PCDH19: variants seen among roughly 807,000 people sequenced by gnomAD.
PCDH19 encodes the protein protocadherin-19.
Under a neutral mutation model 46.2 loss-of-function variants are expected in PCDH19, and 6 were observed. The observed-to-expected ratio is 0.13, with a 90% CI of 0.07 to 0.26. PCDH19 has a LOEUF of 0.26. Ranked by LOEUF, PCDH19 falls within the 10% of genes least tolerant of loss-of-function variation. The pLI is 1.00. For synonymous variants in PCDH19, 481 were observed against 415.7 expected (o/e 1.16, Z -1.91); for missense variants, 740 against 972.3 (o/e 0.76, Z 3.18).
chrX:100,384,193 A>AAAG (rs1276373078), intron 3 of PCDH19, among the ~76,000 whole-genome samples: 17 of 112,013 alleles, frequency 1.5e-4, no homozygotes, highest in African/African-American at 5.2e-4. Flanking sequence ...ATCGCAGATT[A>AAAG]AAGCACTGAC....
chrX:100,343,486 T>TG (rs1366731730), intron 4 of PCDH19, among the ~76,000 whole-genome samples: 1 of 112,048 alleles, frequency 8.9e-6, no homozygotes, highest in African/African-American at 3.2e-5. Context: ...AAATGATTCT[T>TG]GCATTTATTA....
chrX:100,322,585 T>C (rs1176346879), intron 5 of PCDH19, among the ~76,000 whole-genome samples: 2 of 108,768 alleles, frequency 1.8e-5, no homozygotes, highest in African/African-American at 6.7e-5. Flanking sequence ...GCAGGCTCTT[T>C]TTTGGTTTCA....
chrX:100,391,399 G>C (rs1407822414), intron 3 of PCDH19, among the ~76,000 whole-genome samples: 1 of 111,779 alleles, frequency 8.9e-6, no homozygotes, highest in Non-Finnish European at 1.9e-5. Flanking sequence ...TATTTGAACA[G>C]AGAGGCTCTG....
chrX:100,364,128 C>T (rs957758675), intron 3 of PCDH19, among the ~76,000 whole-genome samples: 43 of 110,432 alleles, frequency 3.9e-4, no homozygotes, highest in Non-Finnish European at 6.1e-4. Flanking sequence ...GGTTGAGTAA[C>T]ACACATTAGC....
rs1041537686 is a variant in PCDH19, at chrX:100,381,005, A to G, written c.2616+21519T>C. 3.6e-5 allele frequency among the ~76,000 whole-genome samples: 4 copies of G among 112,317 alleles called. No homozygotes were observed. In the East Asian group the frequency reaches 1.1e-3, roughly 31 times the overall value. On this transcript the variant is annotated intron_variant, in intron 3 of 5. Coordinates refer to ENST00000373034, the MANE Select transcript of PCDH19 (RefSeq NM_001184880.2). ...GTGATATTTACAAAGTCCATTATTCAGCAATAAAAAGTCCCAGGATTATTT... is the reference window on the plus strand; with the variant it reads ...GTGATATTTACAAAGTCCATTATTCGGCAATAAAAAGTCCCAGGATTATTT...
chrX:100,329,904 G>A (rs1209381822), intron 5 of PCDH19, among the ~76,000 whole-genome samples: 3 of 111,571 alleles, frequency 2.7e-5, no homozygotes, highest in Non-Finnish European at 5.6e-5. Flanking sequence ...ACAGGGAGAC[G>A]CTGTTTAAAA....
intron 5 of PCDH19, among the ~76,000 whole-genome samples, chrX:100,336,943 A>G (rs1394374016): frequency 9.0e-6 from 1 of 111,624 alleles, no homozygotes; most frequent in Non-Finnish European, 1.9e-5. Flanking sequence ...GAATAATGGG[A>G]TATCCACATC....
At chrX:100,401,112 G>C (rs1179629289) in intron 3 of PCDH19, among the ~76,000 whole-genome samples, 1 of 111,979 alleles carries the variant, frequency 8.9e-6, no homozygotes, top group African/African-American at 3.3e-5. Context: ...TGAAAGATGT[G>C]AAAGTGCTCT....
intron 5 of PCDH19, among the ~76,000 whole-genome samples, chrX:100,307,070 A>C (rs746529361): frequency 8.9e-6 from 1 of 111,798 alleles, no homozygotes; most frequent in East Asian, 2.8e-4. Flanking sequence ...TCATCCTAAT[A>C]CCAAAACCAG....
At chrX:100,356,804 A>C (rs12399055) in intron 3 of PCDH19, among the ~76,000 whole-genome samples, 2 of 108,069 alleles carry the variant, frequency 1.9e-5, no homozygotes, top group Non-Finnish European at 3.9e-5. Flanking sequence ...CACACACACA[A>C]ACACACACAG....
chrX:100,314,423 C>T (rs1056553959), intron 5 of PCDH19, among the ~76,000 whole-genome samples: 1 of 111,966 alleles, frequency 8.9e-6, no homozygotes, highest in African/African-American at 3.2e-5. Flanking sequence ...TAGCACAAAC[C>T]AACTTTGATT....
intron 3 of PCDH19, among the ~76,000 whole-genome samples, chrX:100,364,330 C>T (rs1209614750): frequency 1.8e-5 from 2 of 111,754 alleles, no homozygotes; most frequent in Non-Finnish European, 3.8e-5. Flanking sequence ...ATAGCATAGA[C>T]ATTAGCCACA....
intron 3 of PCDH19, among the ~76,000 whole-genome samples, chrX:100,389,754 C>A (rs1927814962): frequency 9.0e-6 from 1 of 111,258 alleles, no homozygotes; most frequent in African/African-American, 3.3e-5. Flanking sequence ...AATATTTTCC[C>A]AGCTTATGGC....
chrX:100,347,238 GA>G (rs1473187618), intron 4 of PCDH19, among the ~76,000 whole-genome samples: 1 of 111,315 alleles, frequency 9.0e-6, no homozygotes, highest in Non-Finnish European at 1.9e-5. Flanking sequence ...TTAGCCAAAG[GA>G]AGACATCAGC....
At chrX:100,306,222 G>A (rs1285507913) in intron 5 of PCDH19, among the ~76,000 whole-genome samples, 2 of 111,616 alleles carry the variant, frequency 1.8e-5, no homozygotes, top group Non-Finnish European at 3.8e-5. Flanking sequence ...AGTACTCTCA[G>A]ACCACAGTGG....
chrX:100,332,447 G>A (rs983975054), intron 5 of PCDH19, among the ~76,000 whole-genome samples: 4 of 107,929 alleles, frequency 3.7e-5, no homozygotes, highest in Admixed American at 2.0e-4. Context: ...GCTTGAACCC[G>A]GGAGGCGGAG....
rs183634791 is a variant in PCDH19 at position 100,376,959 on chromosome X, T to C, written c.2616+25565A>G. On this transcript the variant is annotated intron_variant, in intron 3 of 5. Transcript: ENST00000373034. ...AAACCATGACTTGCTCCACTTTGTA[T>C]TACTTTTGGTTCCCTCTCTTTCCAG... Among the ~76,000 whole-genome samples, 8 of 112,559 alleles carry C rather than the reference T, an allele frequency of 7.1e-5. No homozygotes were observed. The East Asian group carries it at 1.7e-3, about 24-fold the overall frequency.
intron 3 of PCDH19, among the ~76,000 whole-genome samples, chrX:100,390,392 A>G (rs1489825423): frequency 1.8e-5 from 2 of 112,108 alleles, no homozygotes; most frequent in East Asian, 5.6e-4. Context: ...ACCACTATAG[A>G]GCTAGTCATC....
chrX:100,370,210 C>T (rs1927177994), intron 3 of PCDH19, among the ~76,000 whole-genome samples: 1 of 112,312 alleles, frequency 8.9e-6, no homozygotes, highest in South Asian at 3.7e-4. Flanking sequence ...TACCAGATCT[C>T]GTGGTAGGGA....
Sources: allele counts gnomAD v4.1 joint callset (sites outside exome capture counted in the v4.1 genomes callset), GRCh38; gene constraint gnomAD v4.1.1; transcripts MANE v1.5; gene names NCBI Gene and HGNC (gene_info 2026-07-23, HGNC 2026-07-21).